SLC38A1: variants seen among roughly 807,000 people sequenced by gnomAD.
The protein encoded by SLC38A1 is solute carrier family 38 member 1, also known as sodium-coupled neutral amino acid symporter 1.
Under a neutral mutation model 60.3 loss-of-function variants are expected in SLC38A1, and 18 were observed. That is an observed-to-expected ratio of 0.30 (90% CI 0.21 to 0.44). The LOEUF is 0.44. SLC38A1 is among the 20% of genes least tolerant of loss of function. The pLI is 1.00. For synonymous variants in SLC38A1, 196 were observed against 212.1 expected, an observed-to-expected ratio of 0.92 and a Z score of 0.66; for missense variants, 448 against 587.2, an observed-to-expected ratio of 0.76 and a Z score of 2.45.
chr12:46,203,406 G>A lies in SLC38A1; in HGVS notation c.823-317C>T, dbSNP rs143500359. Among the ~76,000 whole-genome samples the A allele has an allele frequency of 3.8e-3, 578 of 152,134 alleles. 5 individuals are homozygous for A. The highest frequency in any genetic ancestry group is 0.013 in the African/African-American group (539 of 41,522). On this transcript the variant is annotated intron_variant, in intron 11 of 16. Coordinates refer to ENST00000398637, the MANE Select transcript of SLC38A1 (RefSeq NM_030674.4). ...CATGGCACTCTTCCTAGGATAGCTC[G>A]CTGGGTCCCCACAGCAATCCCAAGC...
At position 46,209,082 on chromosome 12, in the gene SLC38A1, G is replaced by A. The variant is rs1455052480; in HGVS notation, c.360C>T (p.Asn120=). The change falls in exon 6 of 17, where the codon AAC becomes AAT. Residue 120 remains asparagine (N), a synonymous_variant. Coordinates refer to ENST00000398637, the MANE Select transcript of SLC38A1 (RefSeq NM_030674.4). ...SVTLLSIYSI[N]LLLICSKETG... is the part of the protein sequence containing the mutation. Reference sequence around the variant, plus strand: ...TTTCTTTTGAACAGATCAATAGGAGGTTTATTGAATATATAGACAGCAATG... The same window carrying A: ...TTTCTTTTGAACAGATCAATAGGAGATTTATTGAATATATAGACAGCAATG... 2 of 1,611,620 alleles carry A rather than the reference G, an allele frequency of 1.2e-6. No homozygotes were observed. Among genetic ancestry groups the A allele is most frequent in the African/African-American group, 2.7e-5 (2 of 74,802 alleles).
chr12:46,230,709 A>G (rs376187276), intron 3 of SLC38A1, among the ~76,000 whole-genome samples: 33 of 152,370 alleles, frequency 2.2e-4, no homozygotes, highest in African/African-American at 7.7e-4. Context: ...CATCAAATAT[A>G]TTCAGGGTGA....
chr12:46,225,698 G>GT lies in SLC38A1; in HGVS notation c.314+3454dup, dbSNP rs1940837527. On this transcript the variant is annotated intron_variant, in intron 5 of 16. Transcript: ENST00000398637. ...GCTATTGCGAACAAGCCCCACTCAT[G>GT]TGCGCCAGGCTCAAATCAGCCTTGT... Among the ~76,000 whole-genome samples the GT allele has an allele frequency of 2.0e-5, 3 of 152,158 alleles. No homozygotes were observed. In the South Asian group the frequency reaches 6.2e-4, roughly 32 times the overall value.
chr12:46,209,243 C>A, intron 5 of SLC38A1, 116 bp from the exon 6 acceptor site: 1 of 639,812 alleles, frequency 1.6e-6, no homozygotes, highest in Non-Finnish European at 2.6e-6. Context: ...TAATAGTATC[C>A]AAATTTTGGA....
At chr12:46,203,353 C>T (rs981769366) in intron 11 of SLC38A1, among the ~76,000 whole-genome samples, 2 of 152,166 alleles carry the variant, frequency 1.3e-5, no homozygotes, top group African/African-American at 4.8e-5. Context: ...TATACAACAC[C>T]CCCTGTTTAT....
chr12:46,210,624 G>C (rs1313096385), intron 5 of SLC38A1, among the ~76,000 whole-genome samples: 1 of 152,090 alleles, frequency 6.6e-6, no homozygotes, highest in Non-Finnish European at 1.5e-5. Flanking sequence ...GACCCGGTGG[G>C]AGATAATTGA....
chr12:46,246,238 T>C (rs542917818), intron 1 of SLC38A1, among the ~76,000 whole-genome samples: 1 of 152,292 alleles, frequency 6.6e-6, no homozygotes, highest in South Asian at 2.1e-4. Context: ...GGTCTGGGAA[T>C]TTCCCTCGTC....
At chr12:46,199,050 C>T (rs755345354) in intron 13 of SLC38A1, among the ~76,000 whole-genome samples, 2 of 151,810 alleles carry the variant, frequency 1.3e-5, no homozygotes, top group Admixed American at 6.6e-5. Context: ...ACAGTTGAAA[C>T]GCGAAGCTGC....
chr12:46,251,378 A>T (rs181179996), intron 1 of SLC38A1, among the ~76,000 whole-genome samples: 231 of 152,370 alleles, frequency 1.5e-3, no homozygotes, highest in African/African-American at 5.3e-3. Context: ...GTTAGACCTG[A>T]AACCATAAAA....
At chr12:46,251,481 C>T (rs1275442033) in intron 1 of SLC38A1, among the ~76,000 whole-genome samples, 1 of 152,178 alleles carries the variant, frequency 6.6e-6, no homozygotes, top group East Asian at 1.9e-4. Flanking sequence ...CAACAAAAGC[C>T]AAAATTGACA....
intron 12 of SLC38A1, 37 bp from the exon 13 acceptor site, chr12:46,201,235 T>C (rs777611442): frequency 3.9e-6 from 6 of 1,520,542 alleles, no homozygotes; most frequent in South Asian, 2.3e-5. Flanking sequence ...AAAAATCATA[T>C]GACTGAATTT....
At chr12:46,266,144 C>G (rs1245555083) in intron 1 of SLC38A1, among the ~76,000 whole-genome samples, 2 of 152,152 alleles carry the variant, frequency 1.3e-5, no homozygotes, top group African/African-American at 2.4e-5. Context: ...ATGGCCTGAT[C>G]AAGGTCTCAA....
chr12:46,207,501 T>G (rs908090551), intron 7 of SLC38A1, 28 bp downstream of exon 7: 2 of 1,591,762 alleles, frequency 1.3e-6, no homozygotes, highest in African/African-American at 2.7e-5. Flanking sequence ...AGTTTCAAGT[T>G]ATGTAAAGAA....
chr12:46,232,295 G>A (rs1261412542), intron 3 of SLC38A1, among the ~76,000 whole-genome samples: 6 of 152,186 alleles, frequency 3.9e-5, no homozygotes. Context: ...AGGCTGTGCA[G>A]ATTAAGATGA....
In SLC38A1 at chr12:46,252,311, G is replaced by A. The variant is rs572216611; in HGVS notation, c.-208-8997C>T. ...ATGAGAACAGTTGGACACAGGGAGGGGAACATCACACACCGGGGCCTGTCA... is the reference window on the plus strand; with the variant it reads ...ATGAGAACAGTTGGACACAGGGAGGAGAACATCACACACCGGGGCCTGTCA... On this transcript the variant is annotated intron_variant, in intron 1 of 16. Transcript: ENST00000398637. 4.4e-4 allele frequency among the ~76,000 whole-genome samples: 67 copies of A among 152,202 alleles called. 3 individuals are homozygous for A. The highest frequency in any genetic ancestry group is 1.6e-3 in the African/African-American group (67 of 41,526).
intron 2 of SLC38A1, among the ~76,000 whole-genome samples, chr12:46,241,460 TGTG>T (rs1368196452): frequency 6.6e-6 from 1 of 152,192 alleles, no homozygotes; most frequent in Non-Finnish European, 1.5e-5. Flanking sequence ...GATCCTGTAA[TGTG>T]CCATAATATA....
intron 5 of SLC38A1, among the ~76,000 whole-genome samples, chr12:46,218,228 C>G (rs1316497077): frequency 1.3e-5 from 2 of 152,148 alleles, no homozygotes; most frequent in Non-Finnish European, 2.9e-5. Flanking sequence ...ACTCTTGACA[C>G]TCTTGATGTG....
chr12:46,191,347 C>G (rs894671243), intron 16 of SLC38A1, among the ~76,000 whole-genome samples: 1 of 152,006 alleles, frequency 6.6e-6, no homozygotes, highest in Admixed American at 6.6e-5. Context: ...CCTTGTAGTA[C>G]AGTTTGAAGT....
At chr12:46,216,836 GGTGACAGA>G (rs1940436199) in intron 5 of SLC38A1, among the ~76,000 whole-genome samples, 1 of 151,586 alleles carries the variant, frequency 6.6e-6, no homozygotes, top group South Asian at 2.1e-4. Flanking sequence ...CTGCAGCCTG[GGTGACAGA>G]GTGAGATGCC....
Sources: allele counts gnomAD v4.1 joint callset (sites outside exome capture counted in the v4.1 genomes callset), GRCh38; gene constraint gnomAD v4.1.1; transcripts MANE v1.5; gene names NCBI Gene and HGNC (gene_info 2026-07-23, HGNC 2026-07-21).